The following ERC2 variants were observed in gnomAD, a reference collection of about 807,000 sequenced individuals.
ERC2 encodes the protein ERC protein 2.
In ERC2, 42 loss-of-function variants were observed where a neutral mutation model predicts 114.8. The observed-to-expected ratio is 0.37, with a 90% CI of 0.29 to 0.47. The LOEUF (loss-of-function observed/expected upper bound fraction) is 0.47, where lower values mean the gene tolerates loss of function less well. Ranked by LOEUF, ERC2 falls within the 20% of genes least tolerant of loss-of-function variation. The pLI, the probability that ERC2 is intolerant of heterozygous loss-of-function variation, is 0.99. For synonymous variants in ERC2, 454 were observed against 425.5 expected, an observed-to-expected ratio of 1.07 and a Z score of -0.82; for missense variants, 939 against 1,150.7, an observed-to-expected ratio of 0.82 and a Z score of 2.66.
chr3:55,543,040 G>A (rs1332924423), intron 17 of ERC2, among the ~76,000 whole-genome samples: 2 of 152,184 alleles, frequency 1.3e-5, no homozygotes, highest in African/African-American at 4.8e-5. Context: ...CATATCTCTG[G>A]TGTTTCACTG....
intron 10 of ERC2, among the ~76,000 whole-genome samples, chr3:55,994,156 T>G (rs1483524971): frequency 2.6e-5 from 4 of 151,488 alleles, no homozygotes; most frequent in African/African-American, 9.7e-5. Context: ...TTTCATGACA[T>G]TTCTTGAACT....
intron 10 of ERC2, among the ~76,000 whole-genome samples, chr3:56,000,020 G>T (rs1485664712): frequency 6.6e-6 from 1 of 151,698 alleles, no homozygotes; most frequent in African/African-American, 2.4e-5. Flanking sequence ...CAACAAATTA[G>T]AGACATCAAT....
chr3:55,519,247 A>G (rs191072624), intron 17 of ERC2, among the ~76,000 whole-genome samples: 1 of 152,292 alleles, frequency 6.6e-6, no homozygotes, highest in East Asian at 1.9e-4. Flanking sequence ...CCTGCCCTAA[A>G]CTGTTCACAC....
intron 13 of ERC2, among the ~76,000 whole-genome samples, chr3:55,913,202 C>T (rs1039208236): frequency 1.3e-5 from 2 of 152,076 alleles, no homozygotes; most frequent in South Asian, 2.1e-4. Context: ...TCTGGTCCTT[C>T]CTTTTAGCTC....
chr3:56,087,858 C>G (rs1156416721), intron 6 of ERC2, among the ~76,000 whole-genome samples: 1 of 152,132 alleles, frequency 6.6e-6, no homozygotes, highest in Non-Finnish European at 1.5e-5. Context: ...ATCATTCAAA[C>G]AGGAGACAGT....
intron 15 of ERC2, among the ~76,000 whole-genome samples, chr3:55,704,792 T>A (rs1210334604): frequency 6.6e-6 from 1 of 152,336 alleles, no homozygotes; most frequent in Non-Finnish European, 1.5e-5. Context: ...GAATAAATGA[T>A]GTAAAGGCTT....
At chr3:55,752,413 T>A (rs1350331020) in intron 14 of ERC2, among the ~76,000 whole-genome samples, 1 of 152,204 alleles carries the variant, frequency 6.6e-6, no homozygotes, top group East Asian at 1.9e-4. Flanking sequence ...CGATGGAAAT[T>A]GGCAATCACT....
chr3:55,754,231 TTC>T (rs1161779678), intron 14 of ERC2, among the ~76,000 whole-genome samples: 3 of 152,150 alleles, frequency 2.0e-5, no homozygotes, highest in East Asian at 3.9e-4. Flanking sequence ...ATATTTTATT[TTC>T]TGTTTTCTGT....
intron 6 of ERC2, among the ~76,000 whole-genome samples, chr3:56,124,601 G>T (rs1215974418): frequency 6.6e-6 from 1 of 152,086 alleles, no homozygotes; most frequent in Non-Finnish European, 1.5e-5. Flanking sequence ...ACCACAGAAG[G>T]AGGAAGAAAT....
chr3:56,430,954 G>A (rs2061764049), intron 2 of ERC2, among the ~76,000 whole-genome samples: 1 of 152,084 alleles, frequency 6.6e-6, no homozygotes, highest in African/African-American at 2.4e-5. Flanking sequence ...TTAGACTTTG[G>A]CATGAAATAG....
At chr3:55,542,412 C>T (rs2054459471) in intron 17 of ERC2, among the ~76,000 whole-genome samples, 1 of 152,138 alleles carries the variant, frequency 6.6e-6, no homozygotes, top group Non-Finnish European at 1.5e-5. Context: ...TTGGTTAAGC[C>T]AGCCTTGGGA....
At chr3:56,071,454 T>A (rs1221185077) in intron 7 of ERC2, among the ~76,000 whole-genome samples, 3 of 152,252 alleles carry the variant, frequency 2.0e-5, no homozygotes, top group Admixed American at 6.5e-5. Flanking sequence ...CCAGGTTTAC[T>A]GTTGTCTCAT....
intron 14 of ERC2, among the ~76,000 whole-genome samples, chr3:55,803,491 C>T (rs2059381199): frequency 6.7e-6 from 1 of 148,774 alleles, no homozygotes; most frequent in South Asian, 2.1e-4. Context: ...AAATCAAGGG[C>T]ATTTCAACTG....
chr3:56,382,240 T>A (rs2059780176), intron 2 of ERC2, among the ~76,000 whole-genome samples: 1 of 151,958 alleles, frequency 6.6e-6, no homozygotes, highest in Admixed American at 6.6e-5. Flanking sequence ...CTAGATCCCA[T>A]CCCACCCCCC....
At chr3:55,857,490 G>A (rs1266050013) in intron 14 of ERC2, among the ~76,000 whole-genome samples, 2 of 152,020 alleles carry the variant, frequency 1.3e-5, no homozygotes, top group African/African-American at 4.8e-5. Context: ...CATTCATAGT[G>A]TTGTACAACC....
At chr3:56,133,939 T>C (rs952629456) in intron 6 of ERC2, among the ~76,000 whole-genome samples, 1 of 152,182 alleles carries the variant, frequency 6.6e-6, no homozygotes, top group Non-Finnish European at 1.5e-5. Context: ...TACCACCAGC[T>C]AAAGCATTTC....
chr3:56,276,744 T>C (rs1430683725), intron 3 of ERC2, among the ~76,000 whole-genome samples: 1 of 152,150 alleles, frequency 6.6e-6, no homozygotes, highest in Admixed American at 6.5e-5. Context: ...GGGTGTCCAA[T>C]CTTTTGGCTT....
At chr3:56,180,855 G>A (rs977713567) in intron 3 of ERC2, among the ~76,000 whole-genome samples, 1 of 152,170 alleles carries the variant, frequency 6.6e-6, no homozygotes, top group Non-Finnish European at 1.5e-5. Flanking sequence ...AGAAATTGTT[G>A]AAGACCCACA....
At chr3:55,821,792 G>A (rs2315942) in intron 14 of ERC2, among the ~76,000 whole-genome samples, 54,993 of 152,140 alleles carry the variant, frequency 0.36, 12,236 homozygotes, top group African/African-American at 0.63. Flanking sequence ...CACTGTGCAA[G>A]GCCCTTTATG....
Sources: gnomAD v4.1 joint callset for allele counts (sites outside exome capture counted in the v4.1 genomes callset) on GRCh38, gnomAD v4.1.1 for gene constraint, MANE v1.5 for transcripts, NCBI Gene and HGNC (gene_info 2026-07-23, HGNC 2026-07-21) for gene names.